The following CLYBL variants were observed in gnomAD, a reference collection of about 807,000 sequenced individuals.
CLYBL encodes citramalyl-CoA lyase, mitochondrial.
In CLYBL, 31 loss-of-function variants were observed where a neutral mutation model predicts 38.9. That is an observed-to-expected ratio of 0.80 (90% CI 0.60 to 1.08). The LOEUF is 1.08. Ranked by LOEUF, CLYBL falls within the 50% of genes least tolerant of loss-of-function variation. The pLI is 0.00. For synonymous variants in CLYBL, 171 were observed against 158.6 expected (o/e 1.08, Z -0.59); for missense variants, 434 against 411.6 (o/e 1.05, Z -0.47).
intron 1 of CLYBL, among the ~76,000 whole-genome samples, chr13:99,737,834 C>A (rs2139591064): frequency 6.6e-6 from 1 of 152,290 alleles, no homozygotes; most frequent in East Asian, 1.9e-4. Context: ...CAGTGAAGTC[C>A]TCCAACTTTT....
At chr13:99,663,266 A>G (rs1594107632) in intron 1 of CLYBL, among the ~76,000 whole-genome samples, 2 of 152,338 alleles carry the variant, frequency 1.3e-5, no homozygotes, top group South Asian at 2.1e-4. Context: ...GCCGTTTGAT[A>G]CTAGCCCCAT....
Position 99,849,937 on chromosome 13 carries a change from A to T in CLYBL, c.250-8924A>T, listed in dbSNP as rs1439910148. Among the ~76,000 whole-genome samples the T allele has an allele frequency of 6.6e-6, 1 of 152,220 alleles. No individual in the cohort carries two copies. The highest frequency in any genetic ancestry group is 2.4e-5 in the African/African-American group (1 of 41,460). ...GTATTTTGTTGAAAAATAAGGTGTG[A>T]AAATACAAAACAAAAATATCACGAT... On this transcript the variant is annotated intron_variant, in intron 2 of 8. Transcript: ENST00000339105. The surrounding 1 kb of genome is among the most constrained non-coding windows in gnomAD (Gnocchi z 4.9).
At chr13:99,660,755 A>G (rs2047397226) in intron 1 of CLYBL, among the ~76,000 whole-genome samples, 1 of 152,114 alleles carries the variant, frequency 6.6e-6, no homozygotes, top group Admixed American at 6.5e-5. Flanking sequence ...TGGTTTTAAA[A>G]TTTTCCTTAC....
intron 1 of CLYBL, among the ~76,000 whole-genome samples, chr13:99,746,303 A>G (rs1264140186): frequency 6.6e-6 from 1 of 152,018 alleles, no homozygotes; most frequent in African/African-American, 2.4e-5. Context: ...ACATTTGCTC[A>G]GTTACCTCTA....
chr13:99,818,346 C>A (rs2050501459), intron 2 of CLYBL, among the ~76,000 whole-genome samples: 1 of 152,036 alleles, frequency 6.6e-6, no homozygotes, highest in South Asian at 2.1e-4. Context: ...CTTTCTCCGT[C>A]CTCGGGTTGA....
At chr13:99,887,710 G>A (rs566934166) in intron 7 of CLYBL, among the ~76,000 whole-genome samples, 147 of 152,254 alleles carry the variant, frequency 9.7e-4, no homozygotes, top group Middle Eastern at 6.8e-3. Flanking sequence ...CCGTGATGAC[G>A]CCACTGCACT....
intron 2 of CLYBL, among the ~76,000 whole-genome samples, chr13:99,786,200 C>CTTT (rs199863527): frequency 8.2e-6 from 1 of 122,554 alleles, no homozygotes; most frequent in Non-Finnish European, 1.7e-5. Context: ...CTTAGCTTTC[C>CTTT]TTTTTTTTTT....
At chr13:99,608,058 CTTCTT>C (rs1293740897) in intron 1 of CLYBL, among the ~76,000 whole-genome samples, 3 of 125,078 alleles carry the variant, frequency 2.4e-5, no homozygotes, top group African/African-American at 9.2e-5. Flanking sequence ...TGGTCTGGAA[CTTCTT>C]TTTTTTTTTT....
chr13:99,852,903 G>C (rs9585247), intron 2 of CLYBL, among the ~76,000 whole-genome samples: 12,149 of 152,124 alleles, frequency 0.08, 1,169 homozygotes, highest in African/African-American at 0.23. Flanking sequence ...GATTTGCTTT[G>C]TATTAATATA....
intron 1 of CLYBL, among the ~76,000 whole-genome samples, chr13:99,703,585 A>C (rs934035101): frequency 6.6e-6 from 1 of 152,076 alleles, no homozygotes; most frequent in African/African-American, 2.4e-5. Flanking sequence ...TAGCCAGAGT[A>C]GTCCGATCTC....
chr13:99,732,481 A>G (rs1344011402), intron 1 of CLYBL, among the ~76,000 whole-genome samples: 1 of 152,086 alleles, frequency 6.6e-6, no homozygotes, highest in African/African-American at 2.4e-5. Flanking sequence ...TGCCTGGCCT[A>G]TTTTAAAGGT....
intron 1 of CLYBL, among the ~76,000 whole-genome samples, chr13:99,746,654 A>G (rs1256998262): frequency 6.6e-6 from 1 of 152,160 alleles, no homozygotes; most frequent in African/African-American, 2.4e-5. Flanking sequence ...CCAGGATCCA[A>G]AATTATTAAT....
chr13:99,625,287 A>G (rs552573622), intron 1 of CLYBL, among the ~76,000 whole-genome samples: 3 of 152,080 alleles, frequency 2.0e-5, no homozygotes, highest in South Asian at 2.1e-4. Flanking sequence ...GGCCCCACAC[A>G]TTTTTTTTCT....
intron 2 of CLYBL, among the ~76,000 whole-genome samples, chr13:99,843,037 A>G (rs907820302): frequency 6.6e-6 from 1 of 152,144 alleles, no homozygotes; most frequent in Non-Finnish European, 1.5e-5. Flanking sequence ...CATCTTTCAC[A>G]TGAGGAAACT....
intron 7 of CLYBL, among the ~76,000 whole-genome samples, chr13:99,880,517 G>T (rs1261284109): frequency 2.0e-5 from 3 of 152,192 alleles, no homozygotes; most frequent in Non-Finnish European, 4.4e-5. Flanking sequence ...TCAAAGTCAG[G>T]TGTAATGGAG....
chr13:99,832,225 A>G (rs36120094), intron 2 of CLYBL, among the ~76,000 whole-genome samples: 1,962 of 152,340 alleles, frequency 0.013, 59 homozygotes, highest in East Asian at 0.071. Context: ...CATTAGGGAA[A>G]CACTGAAAAC....
intron 2 of CLYBL, among the ~76,000 whole-genome samples, chr13:99,794,581 T>TTTATTATTATTATTATTATTATTATTA (rs1221444900): frequency 0.013 from 1,833 of 143,826 alleles, 22 homozygotes; most frequent in African/African-American, 0.014. Flanking sequence ...TATATTTTCA[T>TTTATTATTATTATTATTATTATTATTA]TTATTATTAT....
chr13:99,665,823 A>G (rs1303882831), intron 1 of CLYBL, among the ~76,000 whole-genome samples: 1 of 152,234 alleles, frequency 6.6e-6, no homozygotes, highest in East Asian at 1.9e-4. Context: ...CATGTTAGAT[A>G]AAACAGATGG....
intron 1 of CLYBL, among the ~76,000 whole-genome samples, chr13:99,662,710 G>A (rs936561408): frequency 5.3e-5 from 8 of 152,070 alleles, no homozygotes; most frequent in Non-Finnish European, 1.2e-4. Context: ...AATTTATAAA[G>A]TGTGGCATAT....
Sources: allele counts gnomAD v4.1 joint callset (sites outside exome capture counted in the v4.1 genomes callset), GRCh38; gene constraint gnomAD v4.1.1; non-coding constraint Gnocchi (gnomAD v3.1); transcripts MANE v1.5; gene names NCBI Gene and HGNC (gene_info 2026-07-23, HGNC 2026-07-21).